Variants in TSPAN15 observed in about 807,000 individuals in gnomAD.
The protein encoded by TSPAN15 is tetraspanin 15, also known as tetraspanin-15.
A neutral mutation model predicts 34.5 loss-of-function variants in TSPAN15; 20 were observed. That is an observed-to-expected ratio of 0.58 (90% confidence interval 0.41 to 0.84). TSPAN15 has a LOEUF of 0.84. Ranked by LOEUF, TSPAN15 falls within the 40% of genes least tolerant of loss-of-function variation. The pLI is 0.00. For synonymous variants in TSPAN15, 155 were observed against 153.9 expected (o/e 1.01, Z -0.05); for missense variants, 313 against 386.1 (o/e 0.81, Z 1.59).
At chr10:69,517,242 C>T in the TSPAN15 span, among the ~76,000 whole-genome samples, 2 of 152,184 alleles carry the variant, frequency 1.3e-5, no homozygotes, top group Non-Finnish European at 2.9e-5. Context: ...GCCAGGGCTG[C>T]CCCCAGCCCC....
the TSPAN15 span, among the ~76,000 whole-genome samples, chr10:69,525,865 G>A: frequency 3.5e-5 from 5 of 143,828 alleles, 1 homozygote; most frequent in African/African-American, 1.3e-4. Flanking sequence ...AAACACTGAT[G>A]ATTAACACTG....
At chr10:69,500,309 G>A (rs1350353483) in intron 5 of TSPAN15, among the ~76,000 whole-genome samples, 2 of 152,156 alleles carry the variant, frequency 1.3e-5, no homozygotes, top group Admixed American at 1.3e-4. Flanking sequence ...AGGGGGCCAG[G>A]CCTTCACACT....
intron 1 of TSPAN15, among the ~76,000 whole-genome samples, chr10:69,463,843 T>TA (rs1276868480): frequency 1.3e-5 from 2 of 151,998 alleles, no homozygotes; most frequent in East Asian, 3.9e-4. Flanking sequence ...GTATGTATGT[T>TA]TAGGTCCTAG....
chr10:69,528,006 A>G, the TSPAN15 span, among the ~76,000 whole-genome samples: 1 of 148,326 alleles, frequency 6.7e-6, no homozygotes, highest in Non-Finnish European at 1.5e-5. Flanking sequence ...CTCTGTGGCC[A>G]GTGGTGCTTT....
chr10:69,521,158 T>G, the TSPAN15 span, among the ~76,000 whole-genome samples: 2 of 152,114 alleles, frequency 1.3e-5, no homozygotes, highest in African/African-American at 4.8e-5. Flanking sequence ...GTAAAGAAGA[T>G]CTCCTTCCCC....
chr10:69,533,111 A>G, the TSPAN15 span, among the ~76,000 whole-genome samples: 1 of 152,224 alleles, frequency 6.6e-6, no homozygotes, highest in Admixed American at 6.5e-5. Flanking sequence ...TATGGAAAAC[A>G]GTGTGGGGAG....
At chr10:69,540,435 G>A in the TSPAN15 span, among the ~76,000 whole-genome samples, 1 of 152,132 alleles carries the variant, frequency 6.6e-6, no homozygotes, top group Non-Finnish European at 1.5e-5. Flanking sequence ...ATGGGTATTG[G>A]GAAATAGTCG....
At chr10:69,549,114 G>A in the TSPAN15 span, among the ~76,000 whole-genome samples, 1 of 152,006 alleles carries the variant, frequency 6.6e-6, no homozygotes, top group African/African-American at 2.4e-5. Flanking sequence ...AATCAAGAAT[G>A]ACTAGAAATA....
At chr10:69,501,377 A>G (rs1224016068) in intron 5 of TSPAN15, among the ~76,000 whole-genome samples, 1 of 152,204 alleles carries the variant, frequency 6.6e-6, no homozygotes, top group African/African-American at 2.4e-5. Flanking sequence ...TGTGTTACAC[A>G]TGACCATTGA....
the TSPAN15 span, among the ~76,000 whole-genome samples, chr10:69,548,053 G>A: frequency 6.6e-6 from 1 of 152,204 alleles, no homozygotes; most frequent in Admixed American, 6.5e-5. Flanking sequence ...ACTCATCCCT[G>A]TGGTCTGGAG....
the TSPAN15 span, among the ~76,000 whole-genome samples, chr10:69,531,467 TG>T: frequency 6.6e-6 from 1 of 152,042 alleles, no homozygotes; most frequent in Non-Finnish European, 1.5e-5. Flanking sequence ...TGCATGGTGG[TG>T]GGTGCCTGTA....
At chr10:69,529,222 A>C in the TSPAN15 span, among the ~76,000 whole-genome samples, 2 of 147,642 alleles carry the variant, frequency 1.4e-5, no homozygotes, top group African/African-American at 2.5e-5. Flanking sequence ...GGGTGGCTGC[A>C]GTGGCACCTG....
the TSPAN15 span, among the ~76,000 whole-genome samples, chr10:69,519,295 C>T: frequency 6.6e-6 from 1 of 152,052 alleles, no homozygotes; most frequent in South Asian, 2.1e-4. Flanking sequence ...TGGGGTGCTC[C>T]TGTAGTCCCA....
downstream of TSPAN15, among the ~76,000 whole-genome samples, chr10:69,508,560 C>G (rs961075513): frequency 6.6e-6 from 1 of 151,440 alleles, no homozygotes; most frequent in Non-Finnish European, 1.5e-5. Context: ...TGGTCAGATG[C>G]TTGGTCTGCC....
At chr10:69,538,841 G>A in the TSPAN15 span, among the ~76,000 whole-genome samples, 3 of 152,238 alleles carry the variant, frequency 2.0e-5, no homozygotes, top group African/African-American at 7.2e-5. Context: ...CCTGCAAAGA[G>A]CTAGATTAAC....
At chr10:69,548,705 CATGCA>C in the TSPAN15 span, among the ~76,000 whole-genome samples, 1,578 of 152,106 alleles carry the variant, frequency 0.01, 27 homozygotes, top group African/African-American at 0.036. Context: ...GTTTCAGAAA[CATGCA>C]TAGAGCTCCC....
At chr10:69,525,775 C>T in the TSPAN15 span, among the ~76,000 whole-genome samples, 151 of 143,496 alleles carry the variant, frequency 1.1e-3, 14 homozygotes, top group Admixed American at 2.0e-3. Flanking sequence ...GAGCTGAGAT[C>T]GCACCACTGC....
downstream of TSPAN15, among the ~76,000 whole-genome samples, chr10:69,509,794 C>T (rs556365241): frequency 6.6e-6 from 1 of 152,304 alleles, no homozygotes; most frequent in Admixed American, 6.5e-5. Context: ...TTTCAGTTTT[C>T]TGTATATGGC....
intron 1 of TSPAN15, among the ~76,000 whole-genome samples, chr10:69,458,769 T>C (rs184250901): frequency 6.6e-6 from 1 of 152,306 alleles, no homozygotes. Flanking sequence ...ATTTTATAGA[T>C]GAGCAAACTA....
Sources: allele counts gnomAD v4.1 joint callset (sites outside exome capture counted in the v4.1 genomes callset), GRCh38; gene constraint gnomAD v4.1.1; transcripts MANE v1.5; gene names NCBI Gene and HGNC (gene_info 2026-07-23, HGNC 2026-07-21).